ADAM17: variants seen among roughly 807,000 people sequenced by gnomAD.
ADAM17 encodes disintegrin and metalloproteinase domain-containing protein 17.
Under a neutral mutation model 96.7 loss-of-function variants are expected in ADAM17, and 39 were observed. The ratio of observed to expected loss-of-function variants is 0.40; its 90% CI spans 0.31 to 0.53. ADAM17 has a LOEUF of 0.53. Ranked by LOEUF, ADAM17 falls within the 20% of genes least tolerant of loss-of-function variation. The pLI, the probability that ADAM17 is intolerant of heterozygous loss-of-function variation, is 0.44. For missense variants in ADAM17, 777 were observed against 1,013.2 expected (o/e 0.77, Z 3.17); for synonymous variants, 344 against 359.2 (o/e 0.96, Z 0.48).
rs371153381 is a variant in ADAM17 at position 9,489,318 on chromosome 2, T to C, written c.*859A>G. 7.1e-6 allele frequency: 1 copy of C among 141,842 alleles called. No individual in the cohort carries two copies. Among genetic ancestry groups the C allele is most frequent in the Non-Finnish European group, 1.5e-5 (1 of 66,820 alleles). The allele number at this position is 141,842 out of a possible 1,614,324, so 8.8% of individuals were successfully genotyped here. A position where few individuals can be genotyped will look rare whatever the true frequency, so the allele number is the denominator to read the frequency against. On this transcript the variant is annotated 3_prime_UTR_variant, in exon 19 of 19. Transcript: ENST00000310823. ...TCTCACTCTGTCACCCAGGCTGGAG[T>C]GTAGTGGCGCAACCTCAGCCTCTCC... is the stretch of plus-strand genomic sequence containing the variant.
At chr2:9,529,513 A>G (rs1480993222) in intron 4 of ADAM17, among the ~76,000 whole-genome samples, 2 of 152,140 alleles carry the variant, frequency 1.3e-5, no homozygotes, top group East Asian at 3.8e-4. Context: ...TTTATATGAG[A>G]TGACCCAAAC....
Position 9,512,139 on chromosome 2 carries a change from C to T in ADAM17, c.1192-2008G>A, listed in dbSNP as rs1307505030. Among the ~76,000 whole-genome samples, 8 of 151,408 alleles carry T rather than the reference C, an allele frequency of 5.3e-5. No homozygotes were observed. In the East Asian group the frequency reaches 5.8e-4, roughly 11 times the overall value. Reference sequence around the variant, plus strand: ...TCTTTCCACATGTTCATATTAAAACCGTAGTGGGAAAAAAAACTTAAATTT... The same window carrying T: ...TCTTTCCACATGTTCATATTAAAACTGTAGTGGGAAAAAAAACTTAAATTT... On this transcript the variant is annotated intron_variant, in intron 10 of 18. Coordinates refer to ENST00000310823, the MANE Select transcript of ADAM17 (RefSeq NM_003183.6).
chr2:9,507,022 C>A (rs1340489352), intron 11 of ADAM17: 1 of 152,196 alleles, frequency 6.6e-6, no homozygotes, highest in Non-Finnish European at 1.5e-5. Context: ...AAAGGTCCTA[C>A]ATTCCTTTTC....
At chr2:9,540,900 A>G (rs145381600) in intron 2 of ADAM17, among the ~76,000 whole-genome samples, 43 of 152,350 alleles carry the variant, frequency 2.8e-4, no homozygotes, top group African/African-American at 8.7e-4. Context: ...ACTATTGGCA[A>G]AGATAACAGG....
At chr2:9,535,733 G>GAAAGA (rs1664934022) in intron 4 of ADAM17, 101 bp downstream of exon 4, 2 of 662,126 alleles carry the variant, frequency 3.0e-6, no homozygotes, top group African/African-American at 3.8e-5. Context: ...ATACGAAGAG[G>GAAAGA]AAAGAAATAA....
intron 13 of ADAM17, among the ~76,000 whole-genome samples, chr2:9,498,812 A>T (rs1662806400): frequency 6.6e-6 from 1 of 152,238 alleles, no homozygotes. Context: ...CTGATACATT[A>T]AAAAATGCTC....
intron 10 of ADAM17, among the ~76,000 whole-genome samples, chr2:9,514,021 A>AG (rs1185443392): frequency 1.3e-5 from 2 of 151,568 alleles, no homozygotes; most frequent in Non-Finnish European, 2.9e-5. Context: ...AAAAAAAAAA[A>AG]AAAGAAAAGA....
At chr2:9,517,864 A>G in intron 10 of ADAM17, 37 bp downstream of exon 10, 1 of 1,395,944 alleles carries the variant, frequency 7.2e-7, no homozygotes, top group Non-Finnish European at 9.7e-7. Context: ...ACTACAATAA[A>G]CTCTAACACT....
At chr2:9,545,357 T>C (rs1453259382) in intron 1 of ADAM17, among the ~76,000 whole-genome samples, 4 of 151,896 alleles carry the variant, frequency 2.6e-5, no homozygotes, top group Admixed American at 2.6e-4. Flanking sequence ...TCACCTGAGG[T>C]CAGGAGTTCA....
rs769140844 is a variant in ADAM17 at position 9,521,212 on chromosome 2, CA to C, written c.947del (p.Met316SerfsTer3). Reference sequence around the variant, plus strand: ...GGATTCTAAGACCTACCTCTAGCAACATCTTCACATCCCAAGCATCCTTTTC... The same window carrying C: ...GGATTCTAAGACCTACCTCTAGCAACTCTTCACATCCCAAGCATCCTTTTC... ...NEEKDAWDVK[M>X]LLEQFSFDIA... On this transcript the variant is annotated frameshift_variant, in exon 8 of 19. Coordinates refer to ENST00000310823, the MANE Select transcript of ADAM17 (RefSeq NM_003183.6). LOFTEE classifies it high-confidence loss of function. 1 of 1,600,624 alleles carries C rather than the reference CA, an allele frequency of 6.2e-7. No homozygotes were observed. The highest frequency in any genetic ancestry group is 8.6e-7 in the Non-Finnish European group (1 of 1,168,094).
At position 9,489,259 on chromosome 2, in the gene ADAM17, A is replaced by ATTTTTTTTT. The variant is rs34525911; in HGVS notation, c.*909_*917dup. On this transcript the variant is annotated 3_prime_UTR_variant, in exon 19 of 19. Transcript: ENST00000310823. ...AATATTCTAGGTTTGTAGATAGTGAATTTTTTTTTTTTTTTTTTTTTTTTG... is the reference window on the plus strand; with the variant it reads ...AATATTCTAGGTTTGTAGATAGTGAATTTTTTTTTTTTTTTTTTTTTTTTTTTTTTTTTG... 8.7e-4 allele frequency: 76 copies of ATTTTTTTTT among 87,396 alleles called. 6 individuals carry two copies. The highest frequency in any genetic ancestry group is 4.8e-3 in the African/African-American group (74 of 15,526). The allele number at this position is 87,396 out of a possible 1,614,324, so 5.4% of individuals were successfully genotyped here.
chr2:9,546,446 T>C (rs1344890761), intron 1 of ADAM17, among the ~76,000 whole-genome samples: 1 of 152,246 alleles, frequency 6.6e-6, no homozygotes, highest in Non-Finnish European at 1.5e-5. Context: ...ACTACTGCTA[T>C]TGTGTTTTCA....
intron 17 of ADAM17, 84 bp downstream of exon 17, chr2:9,492,814 G>A (rs1286505810): frequency 8.0e-7 from 1 of 1,253,500 alleles, no homozygotes; most frequent in African/African-American, 1.5e-5. Context: ...CTAAGAACAA[G>A]TTTTACCTTT....
intron 17 of ADAM17, among the ~76,000 whole-genome samples, chr2:9,492,598 C>T (rs1662249738): frequency 6.6e-6 from 1 of 152,146 alleles, no homozygotes; most frequent in South Asian, 2.1e-4. Flanking sequence ...TCAATAAGGG[C>T]TTTACTCATC....
Position 9,490,641 on chromosome 2 carries a change from T to G in ADAM17, c.2134-123A>C, listed in dbSNP as rs1312097960. 2.8e-6 allele frequency: 3 copies of G among 1,072,502 alleles called. No homozygotes were observed. The Admixed American group carries it at 8.6e-5, about 31-fold the overall frequency. 66.4% of individuals were successfully genotyped at this position (1,072,502 alleles called of 1,614,324 possible). A position where few individuals can be genotyped will look rare whatever the true frequency, so the allele number is the denominator to read the frequency against. ...TGGCACTGTGATGCTAAGAAAAAAG[T>G]GCTAGGTGAGGCTCACTCAACCTAA... On this transcript the variant is annotated intron_variant, in intron 18 of 18. Transcript: ENST00000310823.
At chr2:9,498,748 C>T (rs1179783685) in intron 13 of ADAM17, among the ~76,000 whole-genome samples, 1 of 152,166 alleles carries the variant, frequency 6.6e-6, no homozygotes, top group East Asian at 1.9e-4. Context: ...CCAGTGAGCT[C>T]AGGGAAGGTT....
At chr2:9,511,195 T>C (rs761712199) in intron 10 of ADAM17, among the ~76,000 whole-genome samples, 7 of 152,078 alleles carry the variant, frequency 4.6e-5, no homozygotes, top group Non-Finnish European at 1.0e-4. Flanking sequence ...ACACCTGTAA[T>C]CCCAGCACTT....
At chr2:9,539,362 A>G (rs1665116793) in intron 2 of ADAM17, among the ~76,000 whole-genome samples, 2 of 152,158 alleles carry the variant, frequency 1.3e-5, no homozygotes, top group African/African-American at 4.8e-5. Context: ...TGATCCATCC[A>G]GCTCGGCCTC....
At chr2:9,499,764 G>T (rs1662890276) in intron 13 of ADAM17, among the ~76,000 whole-genome samples, 1 of 152,120 alleles carries the variant, frequency 6.6e-6, no homozygotes, top group African/African-American at 2.4e-5. Context: ...ATAAAAACAT[G>T]GGCAACATGT....
Sources: gnomAD v4.1 joint callset for allele counts (sites outside exome capture counted in the v4.1 genomes callset) on GRCh38, gnomAD v4.1.1 for gene constraint, MANE v1.5 for transcripts, NCBI Gene and HGNC (gene_info 2026-07-23, HGNC 2026-07-21) for gene names.